Variants in SLC2A5 observed in about 807,000 individuals in gnomAD.
The protein encoded by SLC2A5 is solute carrier family 2 member 5.
SLC2A5 carries 56 observed loss-of-function variants against 50.3 expected under a neutral mutation model. That is an observed-to-expected ratio of 1.11 (90% CI 0.90 to 1.39). The LOEUF (loss-of-function observed/expected upper bound fraction) is 1.39. SLC2A5 is among the 40% of genes most tolerant of loss of function. The pLI is 0.00. For synonymous variants in SLC2A5, 269 were observed against 281.9 expected (o/e 0.95, Z 0.46); for missense variants, 566 against 650.1 (o/e 0.87, Z 1.41).
chr1:9,037,637 G>C lies in SLC2A5; in HGVS notation c.1455C>G (p.Tyr485Ter), dbSNP rs150435019. The C allele has an allele frequency of 2.5e-6, 4 of 1,614,114 alleles. No individual in the cohort carries two copies. The highest frequency in any genetic ancestry group is 3.4e-6 in the Non-Finnish European group (4 of 1,180,014). The change falls in exon 12 of 12, where the codon TAC (tyrosine) becomes TAG (stop). Residue 485 changes from tyrosine (Y) to a stop codon, truncating the protein, a stop_gained. Coordinates refer to ENST00000377424, the MANE Select transcript of SLC2A5 (RefSeq NM_003039.3). LOFTEE classifies it low-confidence loss of function (END_TRUNC). ...FTKMNKVSEV[Y>*]PEKEELKELP... ...GCTCTTTCAGTTCCTCCTTTTCCGG[G>C]TACACTTCAGACACCTTATTCATCT...
upstream of SLC2A5, among the ~76,000 whole-genome samples, chr1:9,071,404 A>T (rs1642208312): frequency 6.6e-6 from 1 of 152,038 alleles, no homozygotes; most frequent in African/African-American, 2.4e-5. Flanking sequence ...AGCGAGACTC[A>T]TCTCCGTCCC....
At position 9,057,728 on chromosome 1, in the gene SLC2A5, G is replaced by C. The variant is rs190757175; in HGVS notation, c.133-120C>G. 14 of 788,286 alleles carry C rather than the reference G, an allele frequency of 1.8e-5. No homozygotes were observed. In the African/African-American group the frequency reaches 2.3e-4, roughly 13 times the overall value. 48.8% of individuals were successfully genotyped at this position (788,286 alleles called of 1,614,324 possible). A position where few individuals can be genotyped will look rare whatever the true frequency, so the allele number is the denominator to read the frequency against. ...CACACAGAGACCAACCTTATTAACC[G>C]GGGGGTGATGGGAGGCAGGACAGAG... On this transcript the variant is annotated intron_variant, in intron 2 of 11. Transcript: ENST00000377424.
intron 3 of SLC2A5, among the ~76,000 whole-genome samples, chr1:9,054,828 G>A (rs1026831008): frequency 2.0e-5 from 3 of 152,102 alleles, no homozygotes; most frequent in African/African-American, 7.2e-5. Flanking sequence ...GCAGGCTGAG[G>A]CAGAAGGATC....
intron 2 of SLC2A5, among the ~76,000 whole-genome samples, chr1:9,077,615 C>T (rs1469957862): frequency 6.6e-6 from 1 of 151,102 alleles, no homozygotes; most frequent in Non-Finnish European, 1.5e-5. Context: ...ATTAGCTGGG[C>T]TTGGTGGCAG....
rs1433828799 is a variant in SLC2A5, at chr1:9,045,915, C to T, written c.418+1695G>A. On this transcript the variant is annotated intron_variant, in intron 4 of 11. Coordinates refer to ENST00000377424, the MANE Select transcript of SLC2A5 (RefSeq NM_003039.3). Reference sequence around the variant, plus strand: ...AAGATGGCAGAGACCCAGCCAGGTGCTCTCAGGGAAAGCCGAGCACTAAGT... The same window carrying T: ...AAGATGGCAGAGACCCAGCCAGGTGTTCTCAGGGAAAGCCGAGCACTAAGT... Among the ~76,000 whole-genome samples, 9 of 150,546 alleles carry T rather than the reference C, an allele frequency of 6.0e-5. No homozygotes were observed. The South Asian group carries it at 1.5e-3, about 25-fold the overall frequency.
At chr1:9,092,988 T>TCATC (rs1642475245), upstream of SLC2A5, among the ~76,000 whole-genome samples, 1 of 152,152 alleles carries the variant, frequency 6.6e-6, no homozygotes, top group Admixed American at 6.6e-5. Flanking sequence ...TCAGACCCTT[T>TCATC]GTACTCATGT....
At chr1:9,056,074 T>A (rs1315395187) in intron 3 of SLC2A5, among the ~76,000 whole-genome samples, 1 of 152,118 alleles carries the variant, frequency 6.6e-6, no homozygotes, top group Non-Finnish European at 1.5e-5. Flanking sequence ...GTCCGGCAGG[T>A]CTGATTCTGA....
intron 10 of SLC2A5, 38 bp downstream of exon 10, chr1:9,038,393 G>T (rs188454115): frequency 3.4e-6 from 5 of 1,474,214 alleles, no homozygotes; most frequent in Non-Finnish European, 4.7e-6. Flanking sequence ...GGGACCAGGG[G>T]GGGTTGTGAC....
At chr1:9,057,682 C>T in intron 2 of SLC2A5, 74 bp from the exon 3 acceptor site, 4 of 1,349,772 alleles carry the variant, frequency 3.0e-6, no homozygotes, top group African/African-American at 1.5e-5. Flanking sequence ...GCTGTTAGGA[C>T]ACCCAATGAA....
rs1569840813 is a variant in SLC2A5 at position 9,040,755 on chromosome 1, G to C, written c.572-566C>G. The C allele has an allele frequency of 6.5e-6, 1 of 153,876 alleles. No individual in the cohort carries two copies. Among genetic ancestry groups the C allele is most frequent in the Non-Finnish European group, 1.4e-5 (1 of 69,174 alleles). 9.5% of individuals were successfully genotyped at this position (153,876 alleles called of 1,614,324 possible). ...CCTAGAGGGCCGTGTGTGGTTCTGA[G>C]TCCTGCTATGGAGCTCCCTGAGACA... On this transcript the variant is annotated intron_variant, in intron 5 of 11. Transcript: ENST00000377424. This position sits in a 1 kb window ranked among gnomAD's most constrained non-coding sequence, Gnocchi z 4.3.
chr1:9,056,651 C>T (rs1641760401), intron 3 of SLC2A5, among the ~76,000 whole-genome samples: 1 of 152,092 alleles, frequency 6.6e-6, no homozygotes, highest in Non-Finnish European at 1.5e-5. Context: ...ACTAGGTCTT[C>T]CATAATGTCC....
intron 3 of SLC2A5, among the ~76,000 whole-genome samples, chr1:9,053,187 A>ATT (rs1469826897): frequency 5.3e-5 from 4 of 74,930 alleles, no homozygotes; most frequent in East Asian, 7.2e-4. Context: ...ATATTTATAT[A>ATT]TTATATATTT....
chr1:9,059,993 C>T (rs1324354283), intron 1 of SLC2A5, among the ~76,000 whole-genome samples: 1 of 139,688 alleles, frequency 7.2e-6, no homozygotes, highest in Non-Finnish European at 1.5e-5. Flanking sequence ...ACTACACACA[C>T]ACACACACAC....
intron 9 of SLC2A5, 82 bp downstream of exon 9, chr1:9,038,746 A>G: frequency 6.7e-7 from 1 of 1,484,610 alleles, no homozygotes; most frequent in South Asian, 1.3e-5. Context: ...TTTTATTTTA[A>G]GGCAGGTGGA....
chr1:9,049,771 C>T (rs886515008), intron 3 of SLC2A5, among the ~76,000 whole-genome samples: 3 of 151,688 alleles, frequency 2.0e-5, no homozygotes, highest in East Asian at 3.9e-4. Flanking sequence ...AATAGACCCA[C>T]GTTAAGTCTA....
At chr1:9,072,477 G>A (rs1230830668), upstream of SLC2A5, 1 of 152,300 alleles carries the variant, frequency 6.6e-6, no homozygotes, top group African/African-American at 2.4e-5. Flanking sequence ...TTTGGAAGTG[G>A]GGAGAAGGAG....
At position 9,050,811 on chromosome 1, in the gene SLC2A5, A is replaced by G. The variant is rs373989945; in HGVS notation, c.294-3077T>C. On this transcript the variant is annotated intron_variant, in intron 3 of 11. Coordinates refer to ENST00000377424, the MANE Select transcript of SLC2A5 (RefSeq NM_003039.3). Reference sequence around the variant, plus strand: ...TAATAGTCTTAATACCTGACAAAATATGATTTGAGATAAAAATGTCATAAA... The same window carrying G: ...TAATAGTCTTAATACCTGACAAAATGTGATTTGAGATAAAAATGTCATAAA... 5.3e-5 allele frequency among the ~76,000 whole-genome samples: 8 copies of G among 152,336 alleles called. No homozygotes were observed. In the East Asian group the frequency reaches 1.5e-3, roughly 29 times the overall value.
upstream of SLC2A5, among the ~76,000 whole-genome samples, chr1:9,088,982 C>T (rs2124490973): frequency 6.6e-6 from 1 of 152,326 alleles, no homozygotes; most frequent in South Asian, 2.1e-4. Context: ...GAAATTCCTG[C>T]ACATAATTCA....
intron 3 of SLC2A5, among the ~76,000 whole-genome samples, chr1:9,052,356 T>A (rs566722511): frequency 6.6e-6 from 1 of 152,010 alleles, no homozygotes; most frequent in Non-Finnish European, 1.5e-5. Context: ...AAAGGCAAAC[T>A]ATGGAGATAG....
Sources: gnomAD v4.1 joint callset for allele counts (sites outside exome capture counted in the v4.1 genomes callset) on GRCh38, gnomAD v4.1.1 for gene constraint, Gnocchi (gnomAD v3.1) non-coding constraint, MANE v1.5 for transcripts, NCBI Gene and HGNC (gene_info 2026-07-23, HGNC 2026-07-21) for gene names.